Variants in HDAC4 observed in about 807,000 individuals in gnomAD.
HDAC4 encodes the protein histone deacetylase A.
Under a neutral mutation model 135.1 loss-of-function variants are expected in HDAC4, and 16 were observed. That is an observed-to-expected ratio of 0.12 (90% CI 0.08 to 0.18). The LOEUF (loss-of-function observed/expected upper bound fraction) is 0.18, where lower values mean the gene tolerates loss of function less well. HDAC4 is among the 10% of genes least tolerant of loss of function. HDAC4 has a pLI of 1.00. For synonymous variants in HDAC4, 685 were observed against 653.4 expected (o/e 1.05, Z -0.74); for missense variants, 1,143 against 1,511.8 (o/e 0.76, Z 4.05).
chr2:239,055,001 T>TTTA (rs113824469), intron 24 of HDAC4, among the ~76,000 whole-genome samples, 168 bp from the exon 25 acceptor site: 228 of 151,658 alleles, frequency 1.5e-3, no homozygotes, highest in African/African-American at 5.3e-3. Context: ...GCCGTGGTAT[T>TTTA]TATAATTTTT....
At chr2:239,172,005 C>T (rs2043479173) in intron 5 of HDAC4, among the ~76,000 whole-genome samples, 1 of 152,096 alleles carries the variant, frequency 6.6e-6, no homozygotes, top group African/African-American at 2.4e-5. Context: ...GATGAAAGTT[C>T]AGACATGCAG....
chr2:239,290,618 C>T (rs895842641), intron 2 of HDAC4, among the ~76,000 whole-genome samples: 1 of 152,130 alleles, frequency 6.6e-6, no homozygotes, highest in East Asian at 1.9e-4. Flanking sequence ...TGCGCACAAG[C>T]AGTCACGTAC....
At chr2:239,159,764 C>G (rs557369285) in intron 6 of HDAC4, among the ~76,000 whole-genome samples, 29 of 152,362 alleles carry the variant, frequency 1.9e-4, no homozygotes, top group Non-Finnish European at 3.4e-4. Flanking sequence ...ACCTACAGAG[C>G]TGCTCCCTCT....
At chr2:239,116,718 G>A (rs2039168478) in intron 12 of HDAC4, among the ~76,000 whole-genome samples, 1 of 152,256 alleles carries the variant, frequency 6.6e-6, no homozygotes, top group Middle Eastern at 3.4e-3. Flanking sequence ...CCCCTCCATC[G>A]TGTGGCCATG....
rs1025828484 is a variant in HDAC4, at chr2:239,111,605, G to A, written c.1899C>T (p.Ser633=). The change falls in exon 14 of 27, where the codon TCC becomes TCT. Residue 633 remains serine (S), a synonymous_variant. Transcript: ENST00000543185. The part of the protein sequence containing the change: ...PVSFGGHRPL[S]RAQSSPASAT... ...CAGACGCGGGTGAGGACTGCGCCCG[G>A]GACAGAGGCCTGTGGCCGCCGAAGG... 1.9e-6 allele frequency: 3 copies of A among 1,611,336 alleles called. No individual in the cohort carries two copies. Among genetic ancestry groups the A allele is most frequent in the Non-Finnish European group, 2.5e-6 (3 of 1,179,424 alleles).
In HDAC4 at chr2:239,157,686, C is replaced by A. The variant is rs1039421327; in HGVS notation, c.612-913G>T. ...GCTTAATGACTACAAACAAATTTGC[C>A]GACTTACTTATTTGGAATTGGTTAG... On this transcript the variant is annotated intron_variant, in intron 6 of 26. Transcript: ENST00000543185. 2.0e-5 allele frequency among the ~76,000 whole-genome samples: 3 copies of A among 152,146 alleles called. No individual in the cohort carries two copies. In the East Asian group the frequency reaches 5.8e-4, roughly 29 times the overall value.
At chr2:239,368,839 C>T (rs1038824403) in intron 1 of HDAC4, among the ~76,000 whole-genome samples, 1 of 152,176 alleles carries the variant, frequency 6.6e-6, no homozygotes, top group Admixed American at 6.5e-5. Flanking sequence ...CAGGTGATAG[C>T]CCAAGTTCCT....
rs1263834226 is a variant in HDAC4, at chr2:239,285,232, C to T, written c.23-48568G>A. 2.6e-5 allele frequency among the ~76,000 whole-genome samples: 4 copies of T among 152,212 alleles called. No individual in the cohort carries two copies. The highest frequency in any genetic ancestry group is 5.9e-5 in the Non-Finnish European group (4 of 68,038). On this transcript the variant is annotated intron_variant, in intron 2 of 26. Transcript: ENST00000543185. The surrounding 1 kb of genome is among the most constrained non-coding windows in gnomAD (Gnocchi z 4.5). ...AGCACAGAGCCACGGTGGAGGGGGACAGAGCCACGCTAAGGAGGAACACAG... is the reference window on the plus strand; with the variant it reads ...AGCACAGAGCCACGGTGGAGGGGGATAGAGCCACGCTAAGGAGGAACACAG...
chr2:239,275,467 A>G (rs2050303139), intron 2 of HDAC4, among the ~76,000 whole-genome samples: 1 of 152,206 alleles, frequency 6.6e-6, no homozygotes, highest in Non-Finnish European at 1.5e-5. Flanking sequence ...GCTATCATGT[A>G]TGCACACGGA....
chr2:239,149,124 G>A (rs183374987), intron 7 of HDAC4, among the ~76,000 whole-genome samples: 20 of 152,206 alleles, frequency 1.3e-4, no homozygotes, highest in Admixed American at 3.9e-4. Context: ...AATTCTGGCC[G>A]GGCATGGAGG....
In HDAC4 at chr2:239,349,819, G is replaced by A. The variant is rs953194093; in HGVS notation, c.22+2859C>T. Among the ~76,000 whole-genome samples the A allele has an allele frequency of 9.2e-5, 14 of 152,226 alleles. No individual in the cohort carries two copies. Among genetic ancestry groups the A allele is most frequent in the African/African-American group, 3.1e-4 (13 of 41,460 alleles). The stretch of plus-strand genomic sequence containing the variant: ...AGGCCCCAGGCAAACCACCTCAGCT[G>A]TACCCCCTGCACAGATGGAGAGCAG... On this transcript the variant is annotated intron_variant, in intron 2 of 26. Coordinates refer to ENST00000543185, the MANE Select transcript of HDAC4 (RefSeq NM_001378414.1). This position sits in a 1 kb window ranked among gnomAD's most constrained non-coding sequence, Gnocchi z 5.7.
chr2:239,093,368 G>A (rs984769572), intron 17 of HDAC4, among the ~76,000 whole-genome samples: 3 of 152,084 alleles, frequency 2.0e-5, no homozygotes, highest in Non-Finnish European at 2.9e-5. Flanking sequence ...TTCGGCTCCC[G>A]AGGTCTACTT....
At chr2:239,292,435 C>T (rs968650010) in intron 2 of HDAC4, among the ~76,000 whole-genome samples, 2 of 152,166 alleles carry the variant, frequency 1.3e-5, no homozygotes, top group Non-Finnish European at 2.9e-5. Context: ...AGGCTGAGCC[C>T]CGCTGTCCAT....
intron 9 of HDAC4, among the ~76,000 whole-genome samples, chr2:239,138,041 A>G (rs1184527680): frequency 6.6e-6 from 1 of 152,254 alleles, no homozygotes; most frequent in Non-Finnish European, 1.5e-5. Context: ...AAAAACATGT[A>G]TCTAGGACCA....
rs1303016237 is a variant in HDAC4, at chr2:239,120,372, T to C, written c.1534-5062A>G. Reference sequence around the variant, plus strand: ...AGATACATACACACACAGATACATATACCCGCAGAGGCACACACAGACGCA... The same window carrying C: ...AGATACATACACACACAGATACATACACCCGCAGAGGCACACACAGACGCA... On this transcript the variant is annotated intron_variant, in intron 12 of 26. Transcript: ENST00000543185. 3.1e-5 allele frequency among the ~76,000 whole-genome samples: 3 copies of C among 97,470 alleles called. No homozygotes were observed. The East Asian group carries it at 8.8e-4, about 29-fold the overall frequency. The allele number at this position is 97,470 out of a possible 152,430, so 63.9% of individuals were successfully genotyped here. A position where few individuals can be genotyped will look rare whatever the true frequency, so the allele number is the denominator to read the frequency against.
intron 2 of HDAC4, among the ~76,000 whole-genome samples, chr2:239,294,861 C>CA (rs1049441596): frequency 2.6e-5 from 4 of 152,152 alleles, no homozygotes. Context: ...CAGGACAGGA[C>CA]AGAGGGCCAC....
intron 2 of HDAC4, among the ~76,000 whole-genome samples, chr2:239,327,504 G>A (rs186424372): frequency 2.0e-5 from 3 of 152,344 alleles, no homozygotes; most frequent in Admixed American, 6.5e-5. Flanking sequence ...GTTAATTATC[G>A]TAGACAGCCT....
At chr2:239,122,914 G>A (rs77814230) in intron 12 of HDAC4, among the ~76,000 whole-genome samples, 17,336 of 152,240 alleles carry the variant, frequency 0.11, 1,252 homozygotes, top group Non-Finnish European at 0.15. Flanking sequence ...CTGGGCAGAT[G>A]CCCTCAGGGA....
intron 16 of HDAC4, among the ~76,000 whole-genome samples, chr2:239,096,372 C>A (rs1327230669): frequency 6.0e-4 from 82 of 135,548 alleles, no homozygotes; most frequent in Non-Finnish European, 1.1e-3. Context: ...TGCCTGCAAC[C>A]CCCCCCGACA....
Sources: gnomAD v4.1 joint callset for allele counts (sites outside exome capture counted in the v4.1 genomes callset) on GRCh38, gnomAD v4.1.1 for gene constraint, Gnocchi (gnomAD v3.1) non-coding constraint, MANE v1.5 for transcripts, NCBI Gene and HGNC (gene_info 2026-07-23, HGNC 2026-07-21) for gene names.